Variants in VWA3B observed in about 807,000 individuals in gnomAD.
VWA3B encodes von Willebrand factor A domain-containing protein 3B.
Under a neutral mutation model 158.3 loss-of-function variants are expected in VWA3B, and 138 were observed. The ratio of observed to expected loss-of-function variants is 0.87; its 90% CI spans 0.76 to 1.00. VWA3B has a LOEUF of 1.00. Among genes scored for constraint, VWA3B ranks in the 50% least tolerant of loss-of-function variants. The pLI is 0.00. For missense variants in VWA3B, 1,555 were observed against 1,565.1 expected, an observed-to-expected ratio of 0.99 and a Z score of 0.11; for synonymous variants, 596 against 587.3, an observed-to-expected ratio of 1.01 and a Z score of -0.21.
At chr2:98,156,930 A>C (rs1678131161) in intron 7 of VWA3B, among the ~76,000 whole-genome samples, 1 of 151,938 alleles carries the variant, frequency 6.6e-6, no homozygotes, top group Non-Finnish European at 1.5e-5. Flanking sequence ...CATTTTTCTC[A>C]CCAAGTTTGG....
intron 10 of VWA3B, among the ~76,000 whole-genome samples, chr2:98,189,812 G>A (rs1681426337): frequency 6.6e-6 from 1 of 152,020 alleles, no homozygotes; most frequent in African/African-American, 2.4e-5. Flanking sequence ...ATTATGAAAT[G>A]TCCCTTTTAT....
intron 10 of VWA3B, among the ~76,000 whole-genome samples, chr2:98,192,629 C>T (rs1049941948): frequency 2.0e-5 from 3 of 152,164 alleles, no homozygotes; most frequent in African/African-American, 7.2e-5. Context: ...GCCCAGAGGC[C>T]TGACAGCACC....
chr2:98,265,119 T>C lies in VWA3B; in HGVS notation c.2844-5563T>C, dbSNP rs377553149. Among the ~76,000 whole-genome samples the C allele has an allele frequency of 3.2e-4, 49 of 151,702 alleles. No individual in the cohort carries two copies. In the East Asian group the frequency reaches 5.2e-3, roughly 16 times the overall value. On this transcript the variant is annotated intron_variant, in intron 21 of 27. Coordinates refer to ENST00000477737, the MANE Select transcript of VWA3B (RefSeq NM_144992.5). ...CAGGTTAGTTACATATGTATACATG[T>C]GCCATGCTGGTGCGCTGCACCCACT...
intron 14 of VWA3B, among the ~76,000 whole-genome samples, chr2:98,225,291 T>C (rs191628691): frequency 6.6e-6 from 1 of 152,352 alleles, no homozygotes. Flanking sequence ...TTGTAATTGA[T>C]TGTTTCAACA....
chr2:98,270,914 C>G (rs1471258978), intron 22 of VWA3B, 31 bp downstream of exon 22: 3 of 1,604,116 alleles, frequency 1.9e-6, no homozygotes, highest in East Asian at 2.2e-5. Flanking sequence ...TGTCTTTCCT[C>G]CCTCTCTGCC....
chr2:98,255,068 C>T (rs918214340), intron 20 of VWA3B, among the ~76,000 whole-genome samples: 12 of 151,462 alleles, frequency 7.9e-5, no homozygotes, highest in Admixed American at 2.6e-4. Flanking sequence ...GGCTGGAGTG[C>T]AGTGGCGTGA....
chr2:98,112,079 A>G (rs551142894), intron 2 of VWA3B, among the ~76,000 whole-genome samples: 1 of 152,232 alleles, frequency 6.6e-6, no homozygotes, highest in Admixed American at 6.5e-5. Context: ...ATCTTCAATT[A>G]ATTTTTTTAT....
chr2:98,242,274 T>C, intron 19 of VWA3B: 1 of 456,212 alleles, frequency 2.2e-6, no homozygotes, highest in South Asian at 1.5e-5. Context: ...CGGACCAGCC[T>C]CAAATCGGTC....
In VWA3B at chr2:98,290,432, C is replaced by CTA. The variant is rs920753829; in HGVS notation, c.3046-78_3046-77dup. 4 of 1,082,630 alleles carry CTA rather than the reference C, an allele frequency of 3.7e-6. No individual in the cohort carries two copies. The African/African-American group carries it at 6.5e-5, about 18-fold the overall frequency. The allele number at this position is 1,082,630 out of a possible 1,614,324, so 67.1% of individuals were successfully genotyped here. A position where few individuals can be genotyped will look rare whatever the true frequency, so the allele number is the denominator to read the frequency against. ...GGGGACACAGAGCCAAACCATATCA[C>CTA]TAGGCTACCCAGTATTTATCATTTT... On this transcript the variant is annotated intron_variant, in intron 22 of 27. Transcript: ENST00000477737.
chr2:98,128,660 T>C (rs545260131), intron 6 of VWA3B, among the ~76,000 whole-genome samples: 1 of 152,354 alleles, frequency 6.6e-6, no homozygotes, highest in African/African-American at 2.4e-5. Flanking sequence ...CTCCCAGGGC[T>C]AGCCAATTCC....
intron 14 of VWA3B, among the ~76,000 whole-genome samples, chr2:98,226,131 C>T (rs2105667303): frequency 6.6e-6 from 1 of 152,184 alleles, no homozygotes; most frequent in South Asian, 2.1e-4. Context: ...TTTAAACAAT[C>T]TTGAAAAAGA....
At chr2:98,218,503 T>C (rs955948144) in intron 14 of VWA3B, among the ~76,000 whole-genome samples, 1 of 152,204 alleles carries the variant, frequency 6.6e-6, no homozygotes. Flanking sequence ...ACACAGATAT[T>C]TGTAGAAAAT....
intron 7 of VWA3B, among the ~76,000 whole-genome samples, chr2:98,135,325 C>CTTTTTTT (rs397873615): frequency 2.2e-4 from 21 of 96,422 alleles, no homozygotes; most frequent in Non-Finnish European, 3.4e-4. Flanking sequence ...AAACATTTTT[C>CTTTTTTT]TTTTTTTTTT....
At chr2:98,225,733 G>A (rs981384007) in intron 14 of VWA3B, among the ~76,000 whole-genome samples, 1 of 149,658 alleles carries the variant, frequency 6.7e-6, no homozygotes, top group East Asian at 1.9e-4. Context: ...GAACTTTTAC[G>A]AGATTTCAGC....
chr2:98,171,556 G>A (rs1203068584), intron 8 of VWA3B, among the ~76,000 whole-genome samples: 2 of 152,144 alleles, frequency 1.3e-5, no homozygotes, highest in African/African-American at 4.8e-5. Flanking sequence ...TCTGGAGAGG[G>A]AAGCAGGGAC....
At chr2:98,229,182 A>G (rs1367064711) in intron 15 of VWA3B, among the ~76,000 whole-genome samples, 3 of 152,374 alleles carry the variant, frequency 2.0e-5, no homozygotes, top group Non-Finnish European at 4.4e-5. Flanking sequence ...GCACAGATAC[A>G]GCTTCTAAAT....
intron 7 of VWA3B, among the ~76,000 whole-genome samples, chr2:98,140,161 A>C (rs1406215484): frequency 6.6e-6 from 1 of 152,142 alleles, no homozygotes; most frequent in Non-Finnish European, 1.5e-5. Context: ...CAGATGCTCC[A>C]CCTTAAGAGC....
intron 19 of VWA3B, among the ~76,000 whole-genome samples, chr2:98,247,496 C>G (rs1199780150): frequency 6.6e-6 from 1 of 152,212 alleles, no homozygotes; most frequent in Non-Finnish European, 1.5e-5. Context: ...AATTTTTTAA[C>G]AGTTTCAGCT....
In VWA3B at chr2:98,236,467, T is replaced by G. The variant is rs768456992; in HGVS notation, c.2506T>G (p.Tyr836Asp). Residue 836 changes from tyrosine (Y) to aspartate (D), a missense_variant, in exon 18 of 28, where the codon TAT becomes GAT. Physicochemically the swap from Tyr to Asp is radical, Grantham distance 160 (BLOSUM62 -3). Transcript: ENST00000477737. Reference sequence around the variant, plus strand: ...GGTGACGCGAGAAGGAAGCCAGGTTTATGACCACGAGTGAGTTCTTTAATT... The same window carrying G: ...GGTGACGCGAGAAGGAAGCCAGGTTGATGACCACGAGTGAGTTCTTTAATT... ...EKVTREGSQV[Y>D]DHDSSDVSSE... 5.0e-6 allele frequency: 8 copies of G among 1,614,120 alleles called. No homozygotes were observed. The African/African-American group carries it at 9.3e-5, about 19-fold the overall frequency.
Sources: gnomAD v4.1 joint callset for allele counts (sites outside exome capture counted in the v4.1 genomes callset) on GRCh38, gnomAD v4.1.1 for gene constraint, MANE v1.5 for transcripts, NCBI Gene and HGNC (gene_info 2026-07-23, HGNC 2026-07-21) for gene names.